Variants in CTDSPL observed in about 807,000 individuals in gnomAD.
CTDSPL encodes the protein CTD small phosphatase like, also known as CTD small phosphatase-like protein.
In CTDSPL, 8 loss-of-function variants were observed where a neutral mutation model predicts 30.5. The observed-to-expected ratio is 0.26, with a 90% CI of 0.15 to 0.47. The LOEUF (loss-of-function observed/expected upper bound fraction) is 0.47. Ranked by LOEUF, CTDSPL falls within the 20% of genes least tolerant of loss-of-function variation. The probability of loss-of-function intolerance (pLI) is 0.99; values close to 1 mark genes in which losing one functional copy is unlikely to be tolerated. For missense variants in CTDSPL, 248 were observed against 366.1 expected (o/e 0.68, Z 2.63); for synonymous variants, 110 against 137.9 (o/e 0.80, Z 1.42).
At chr3:37,944,968 A>G (rs1218090888) in intron 1 of CTDSPL, among the ~76,000 whole-genome samples, 1 of 149,174 alleles carries the variant, frequency 6.7e-6, no homozygotes, top group African/African-American at 2.5e-5. Context: ...TTTAGTATGT[A>G]AGTTCATTTG....
intron 3 of CTDSPL, among the ~76,000 whole-genome samples, chr3:37,959,286 A>G (rs1699209967): frequency 6.6e-6 from 1 of 152,162 alleles, no homozygotes; most frequent in Non-Finnish European, 1.5e-5. Flanking sequence ...TTTTTACTAA[A>G]CAGTAATTCA....
chr3:37,912,451 G>C (rs1698594436), intron 1 of CTDSPL, among the ~76,000 whole-genome samples: 1 of 152,204 alleles, frequency 6.6e-6, no homozygotes, highest in Non-Finnish European at 1.5e-5. Flanking sequence ...TGTTAGGCAG[G>C]CTGCAAGCCA....
At chr3:37,867,185 G>A (rs1443479338) in intron 1 of CTDSPL, among the ~76,000 whole-genome samples, 1 of 151,952 alleles carries the variant, frequency 6.6e-6, no homozygotes, top group African/African-American at 2.4e-5. Context: ...ATCTTTTTAG[G>A]AACATTATCT....
chr3:37,922,594 T>C (rs901993971), intron 1 of CTDSPL, among the ~76,000 whole-genome samples: 2 of 152,266 alleles, frequency 1.3e-5, no homozygotes, highest in Non-Finnish European at 2.9e-5. Flanking sequence ...TTACATTAGA[T>C]GCCAGATAAG....
chr3:37,877,334 C>A (rs760903561), intron 1 of CTDSPL, among the ~76,000 whole-genome samples: 12 of 152,192 alleles, frequency 7.9e-5, no homozygotes, highest in Non-Finnish European at 1.5e-4. Context: ...CCAGCTGCCT[C>A]ATATAAGTGG....
intron 1 of CTDSPL, among the ~76,000 whole-genome samples, chr3:37,910,324 A>AT (rs1393863367): frequency 6.6e-6 from 1 of 152,108 alleles, no homozygotes; most frequent in Non-Finnish European, 1.5e-5. Context: ...TAATAATAAT[A>AT]CAAAAAATCA....
intron 1 of CTDSPL, among the ~76,000 whole-genome samples, chr3:37,888,502 C>T (rs1355320640): frequency 6.6e-6 from 1 of 152,136 alleles, no homozygotes; most frequent in Non-Finnish European, 1.5e-5. Context: ...TGTCAGAAAG[C>T]AGGTTGCAGT....
intron 2 of CTDSPL, among the ~76,000 whole-genome samples, chr3:37,951,893 C>A (rs1335751974): frequency 2.0e-5 from 3 of 152,136 alleles, no homozygotes; most frequent in Non-Finnish European, 4.4e-5. Context: ...AGTCATAAAA[C>A]CTAGTTTGAT....
At chr3:37,924,301 C>T (rs546334829) in intron 1 of CTDSPL, among the ~76,000 whole-genome samples, 3 of 148,096 alleles carry the variant, frequency 2.0e-5, no homozygotes, top group Admixed American at 6.7e-5. Context: ...TACTGTCCCA[C>T]AATTGGAAGA....
chr3:37,951,305 T>G (rs1699105190), intron 2 of CTDSPL, among the ~76,000 whole-genome samples: 1 of 150,254 alleles, frequency 6.7e-6, no homozygotes, highest in East Asian at 2.0e-4. Context: ...GAGGTGGAGC[T>G]TGCATTGAGC....
At position 37,983,282 on chromosome 3, in the gene CTDSPL, A is replaced by AATATCTATATCT. The variant is rs57451778; in HGVS notation, c.*2438_*2449dup. The AATATCTATATCT allele has an allele frequency of 4.4e-4, 67 of 152,230 alleles. No homozygotes were observed. Among genetic ancestry groups the AATATCTATATCT allele is most frequent in the Middle Eastern group, 3.4e-3 (1 of 294 alleles). The allele number at this position is 152,230 out of a possible 1,614,324, so 9.4% of individuals were successfully genotyped here. On this transcript the variant is annotated 3_prime_UTR_variant, in exon 8 of 8. Transcript: ENST00000273179. ...GAATCTGCTTTATGTACATAATCAA[A>AATATCTATATCT]ATATCTATATCTATATCTATATCTA...
chr3:37,890,262 G>A (rs1183240816), intron 1 of CTDSPL, among the ~76,000 whole-genome samples: 6 of 152,146 alleles, frequency 3.9e-5, no homozygotes, highest in Non-Finnish European at 7.3e-5. Context: ...AGAATATTAA[G>A]CAAATGAAAT....
chr3:37,977,830 G>A (rs755031473), intron 7 of CTDSPL, among the ~76,000 whole-genome samples: 5 of 151,958 alleles, frequency 3.3e-5, no homozygotes, highest in African/African-American at 4.8e-5. Context: ...CCAGGAGGTC[G>A]AGGCTGCAGT....
chr3:37,964,408 G>A (rs1014564934), intron 3 of CTDSPL, among the ~76,000 whole-genome samples, 163 bp from the exon 4 acceptor site: 16 of 152,188 alleles, frequency 1.1e-4, no homozygotes, highest in African/African-American at 3.1e-4. Flanking sequence ...TCGTGGCACC[G>A]TATTTGATAA....
Position 37,982,751 on chromosome 3 carries a change from T to A in CTDSPL, c.*1884T>A. The stretch of plus-strand genomic sequence containing the variant: ...GCCCCTTGCTAGATATTACCACAGA[T>A]AATGACAGTTACATGGTAGAACTGC... On this transcript the variant is annotated 3_prime_UTR_variant, in exon 8 of 8. Transcript: ENST00000273179. 1 of 422,664 alleles carries A rather than the reference T, an allele frequency of 2.4e-6. No homozygotes were observed. The highest frequency in any genetic ancestry group is 2.6e-5 in the Admixed American group (1 of 38,554). The allele number at this position is 422,664 out of a possible 1,614,324, so 26.2% of individuals were successfully genotyped here. A position where few individuals can be genotyped will look rare whatever the true frequency, so the allele number is the denominator to read the frequency against.
At chr3:37,888,040 A>T (rs1171457919) in intron 1 of CTDSPL, among the ~76,000 whole-genome samples, 1 of 152,176 alleles carries the variant, frequency 6.6e-6, no homozygotes, top group Non-Finnish European at 1.5e-5. Flanking sequence ...GTGTTCTGAA[A>T]AGATGTGTGA....
At chr3:37,914,779 T>C (rs1227632889) in intron 1 of CTDSPL, among the ~76,000 whole-genome samples, 1 of 152,146 alleles carries the variant, frequency 6.6e-6, no homozygotes, top group East Asian at 1.9e-4. Flanking sequence ...TGTCAGATTT[T>C]TGTGTCATGG....
At position 37,947,105 on chromosome 3, in the gene CTDSPL, T is replaced by G; in HGVS notation, c.128T>G (p.Leu43Arg). 1 of 1,613,888 alleles carries G rather than the reference T, an allele frequency of 6.2e-7. No individual in the cohort carries two copies. The highest frequency in any genetic ancestry group is 2.2e-5 in the East Asian group (1 of 44,888). The change falls in exon 2 of 8, where the codon CTT becomes CGT. Residue 43 changes from leucine to arginine, a missense_variant. Leu to Arg is a moderately radical substitution (Grantham distance 102). Transcript: ENST00000273179. ...AAGAAGCAGAGGAGCCGCAGCATCCTTAGCTCCTTCTTCTGCTGCTTCCGT... is the reference window on the plus strand; with the variant it reads ...AAGAAGCAGAGGAGCCGCAGCATCCGTAGCTCCTTCTTCTGCTGCTTCCGT... ...SLKKQRSRSI[L>R]SSFFCCFRDY... is the part of the protein sequence containing the mutation.
chr3:37,866,244 T>C (rs1250305203), intron 1 of CTDSPL, among the ~76,000 whole-genome samples: 3 of 152,062 alleles, frequency 2.0e-5, no homozygotes, highest in Non-Finnish European at 4.4e-5. Context: ...AACATACAGA[T>C]AGGTGAATTT....
Sources: gnomAD v4.1 joint callset for allele counts (sites outside exome capture counted in the v4.1 genomes callset) on GRCh38, gnomAD v4.1.1 for gene constraint, MANE v1.5 for transcripts, NCBI Gene and HGNC (gene_info 2026-07-23, HGNC 2026-07-21) for gene names.